The following KCNG3 variants were observed in gnomAD, a reference collection of about 807,000 sequenced individuals.
KCNG3 encodes voltage-gated potassium channel regulatory subunit KCNG3.
Under a neutral mutation model 29.0 loss-of-function variants are expected in KCNG3, and 15 were observed. That is an observed-to-expected ratio of 0.52 (90% CI 0.35 to 0.80). The LOEUF (loss-of-function observed/expected upper bound fraction) is 0.80. Among genes scored for constraint, KCNG3 ranks in the 30% least tolerant of loss-of-function variants. The pLI is 0.01. For missense variants in KCNG3, 512 were observed against 605.7 expected, an observed-to-expected ratio of 0.85 and a Z score of 1.62; for synonymous variants, 322 against 248.9, an observed-to-expected ratio of 1.29 and a Z score of -2.76.
intron 1 of KCNG3, among the ~76,000 whole-genome samples, chr2:42,456,237 T>C (rs1438560727): frequency 2.0e-5 from 3 of 152,086 alleles, no homozygotes; most frequent in Admixed American, 6.6e-5. Context: ...CCAAAAATAA[T>C]ATGGCTAGGT....
At chr2:42,486,806 C>G (rs1673736512) in intron 1 of KCNG3, among the ~76,000 whole-genome samples, 1 of 152,198 alleles carries the variant, frequency 6.6e-6, no homozygotes, top group Non-Finnish European at 1.5e-5. Context: ...TGTGCCCATA[C>G]TGTCTGGCAC....
At chr2:42,481,434 A>C (rs1375078648) in intron 1 of KCNG3, among the ~76,000 whole-genome samples, 1 of 152,112 alleles carries the variant, frequency 6.6e-6, no homozygotes, top group Non-Finnish European at 1.5e-5. Context: ...TGCATCTCTT[A>C]CTGAGGTTCT....
chr2:42,457,939 T>C (rs1011201447), intron 1 of KCNG3, among the ~76,000 whole-genome samples: 16 of 152,158 alleles, frequency 1.1e-4, no homozygotes, highest in Admixed American at 9.8e-4. Flanking sequence ...CTGAGCAATA[T>C]AGTGAAACCC....
intron 1 of KCNG3, among the ~76,000 whole-genome samples, chr2:42,448,036 TGTAAA>T (rs1337124868): frequency 6.6e-6 from 1 of 152,164 alleles, no homozygotes; most frequent in Non-Finnish European, 1.5e-5. Context: ...GCCTCACTAA[TGTAAA>T]GTATTGTTGA....
intron 1 of KCNG3, among the ~76,000 whole-genome samples, chr2:42,461,190 A>C (rs866515641): frequency 0.013 from 1,870 of 147,886 alleles, 37 homozygotes; most frequent in African/African-American, 0.045. Flanking sequence ...AACAAAAAAA[A>C]AAAAAAAAAA....
downstream of KCNG3, among the ~76,000 whole-genome samples, chr2:42,441,444 C>T (rs1436712667): frequency 6.6e-6 from 1 of 151,960 alleles, no homozygotes; most frequent in African/African-American, 2.4e-5. Context: ...GGGAACGTTA[C>T]AATAAAATGC....
chr2:42,431,599 G>A, the KCNG3 span, among the ~76,000 whole-genome samples: 9 of 152,114 alleles, frequency 5.9e-5, no homozygotes, highest in Non-Finnish European at 8.8e-5. Flanking sequence ...AGTCAAAACC[G>A]GGAAACTCGC....
intron 1 of KCNG3, among the ~76,000 whole-genome samples, chr2:42,449,486 C>T (rs1285562203): frequency 7.0e-6 from 1 of 141,974 alleles, no homozygotes; most frequent in African/African-American, 2.6e-5. Flanking sequence ...AAAAAAAAGT[C>T]TGCTGTTGTG....
At chr2:42,435,032 G>A in the KCNG3 span, among the ~76,000 whole-genome samples, 1 of 152,220 alleles carries the variant, frequency 6.6e-6, no homozygotes, top group Admixed American at 6.5e-5. Flanking sequence ...GCTGGGCGCA[G>A]TGGCTCATGC....
chr2:42,493,344 T>TCGTCGCACACCTCGAGCA lies in KCNG3; in HGVS notation c.140_157dup (p.Val47_Asp52dup). On this transcript the variant is annotated inframe_insertion, in exon 1 of 2. Transcript: ENST00000306078. The stretch of plus-strand genomic sequence containing the variant: ...GTACTCGTTGCGCTCGCGGTCGTAG[T>TCGTCGCACACCTCGAGCA]CGTCGCACACCTCGAGCACGTCGCG... The TCGTCGCACACCTCGAGCA allele has an allele frequency of 1.3e-6, 2 of 1,598,700 alleles. No individual in the cohort carries two copies. Among genetic ancestry groups the TCGTCGCACACCTCGAGCA allele is most frequent in the Non-Finnish European group, 1.7e-6 (2 of 1,172,884 alleles).
chr2:42,453,028 T>A (rs1188894329), intron 1 of KCNG3, among the ~76,000 whole-genome samples: 1 of 152,210 alleles, frequency 6.6e-6, no homozygotes, highest in African/African-American at 2.4e-5. Flanking sequence ...GCAATCTGCC[T>A]GCCTCAGCCT....
At chr2:42,461,025 G>C (rs899506918) in intron 1 of KCNG3, among the ~76,000 whole-genome samples, 2 of 151,776 alleles carry the variant, frequency 1.3e-5, no homozygotes, top group Admixed American at 1.3e-4. Flanking sequence ...GCCAGGCGTG[G>C]CAGCATGCGT....
chr2:42,413,051 C>CTT, the KCNG3 span, among the ~76,000 whole-genome samples: 1 of 152,130 alleles, frequency 6.6e-6, no homozygotes, highest in African/African-American at 2.4e-5. Context: ...TTCACTGCAG[C>CTT]TTTTATCCCC....
the KCNG3 span, among the ~76,000 whole-genome samples, chr2:42,429,602 C>A: frequency 6.6e-5 from 10 of 152,310 alleles, no homozygotes; most frequent in East Asian, 1.9e-3. Context: ...TGCACAAAGT[C>A]TCTGTGGACC....
rs142243778 is a variant in KCNG3 at position 42,488,884 on chromosome 2, T to C, written c.665+3953A>G. ...ATTTTAAATTATACAATAGAAGATA[T>C]AGTTCTGGAAGGTTATATTTTGAAA... On this transcript the variant is annotated intron_variant, in intron 1 of 1. Coordinates refer to ENST00000306078, the MANE Select transcript of KCNG3 (RefSeq NM_133329.6). 3.1e-3 allele frequency among the ~76,000 whole-genome samples: 465 copies of C among 151,460 alleles called. 2 individuals carry two copies. The highest frequency in any genetic ancestry group is 0.011 in the African/African-American group (445 of 41,318).
At chr2:42,454,429 T>C (rs979914496) in intron 1 of KCNG3, among the ~76,000 whole-genome samples, 3 of 152,262 alleles carry the variant, frequency 2.0e-5, no homozygotes, top group Admixed American at 6.5e-5. Context: ...AATTGGAATA[T>C]AGCTGGGCAT....
the KCNG3 span, among the ~76,000 whole-genome samples, chr2:42,426,713 C>T: frequency 6.6e-6 from 1 of 152,196 alleles, no homozygotes; most frequent in East Asian, 1.9e-4. Context: ...AGATAATTAA[C>T]AATGAAAAGA....
At chr2:42,392,887 T>A in the KCNG3 span, among the ~76,000 whole-genome samples, 6 of 152,108 alleles carry the variant, frequency 3.9e-5, no homozygotes, top group African/African-American at 1.4e-4. Flanking sequence ...AGCGTCAATT[T>A]CTATGTGTAT....
the KCNG3 span, among the ~76,000 whole-genome samples, chr2:42,410,724 T>A: frequency 1.3e-5 from 2 of 152,136 alleles, no homozygotes; most frequent in Non-Finnish European, 2.9e-5. Flanking sequence ...AGCTTTTATA[T>A]AAATTAGGGG....
Sources: gnomAD v4.1 joint callset for allele counts (sites outside exome capture counted in the v4.1 genomes callset) on GRCh38, gnomAD v4.1.1 for gene constraint, MANE v1.5 for transcripts, NCBI Gene and HGNC (gene_info 2026-07-23, HGNC 2026-07-21) for gene names.